The following CCSER1 variants were observed in gnomAD, a reference collection of about 807,000 sequenced individuals.
CCSER1 encodes serine-rich coiled-coil domain-containing protein 1.
CCSER1 carries 41 observed loss-of-function variants against 82.0 expected under a neutral mutation model. The observed-to-expected ratio is 0.50, with a 90% CI of 0.39 to 0.65. CCSER1 has a LOEUF of 0.65. Among genes scored for constraint, CCSER1 ranks in the 30% least tolerant of loss-of-function variants. The probability of loss-of-function intolerance (pLI) is 0.00; values close to 1 mark genes in which losing one functional copy is unlikely to be tolerated. For synonymous variants in CCSER1, 414 were observed against 383.9 expected (o/e 1.08, Z -0.92); for missense variants, 1,119 against 1,064.2 (o/e 1.05, Z -0.72).
Position 91,374,342 on chromosome 4 carries a change from G to A in CCSER1, c.2218-224230G>A, listed in dbSNP as rs556712839. On this transcript the variant is annotated intron_variant, in intron 10 of 10. Coordinates refer to ENST00000509176, the MANE Select transcript of CCSER1 (RefSeq NM_001145065.2). ...GGAATGACTCCTGTTAGAGGCTAAC[G>A]CAGCTGGTAACTATACATTGAAGCA... is the stretch of plus-strand genomic sequence containing the variant. Among the ~76,000 whole-genome samples the A allele has an allele frequency of 2.9e-3, 442 of 152,278 alleles. 1 individual carries two copies. Among genetic ancestry groups the A allele is most frequent in the Middle Eastern group, 0.01 (3 of 294 alleles).
At chr4:90,993,389 G>A (rs1480026075) in intron 9 of CCSER1, among the ~76,000 whole-genome samples, 1 of 151,746 alleles carries the variant, frequency 6.6e-6, no homozygotes, top group Non-Finnish European at 1.5e-5. Context: ...TTAATTTGCA[G>A]CTATAATGGA....
chr4:91,117,499 T>G (rs572079075), intron 10 of CCSER1, among the ~76,000 whole-genome samples: 1 of 152,236 alleles, frequency 6.6e-6, no homozygotes. Context: ...ATGTAAATGC[T>G]TATTAAGTGG....
rs2150441641 is a variant in CCSER1 at position 90,988,928 on chromosome 4, A to G, written c.2172+65481A>G. On this transcript the variant is annotated intron_variant, in intron 9 of 10. Transcript: ENST00000509176. ...TACTTTCCCTTTTTGAAAGTAAACT[A>G]ATCAACAGACTTGGCTAGACACAGC... Among the ~76,000 whole-genome samples, 2 of 151,906 alleles carry G rather than the reference A, an allele frequency of 1.3e-5. 1 individual carries two copies. Among genetic ancestry groups the G allele is most frequent in the South Asian group, 4.1e-4 (2 of 4,826 alleles).
Position 91,427,280 on chromosome 4 carries a change from G to A in CCSER1, c.2218-171292G>A, listed in dbSNP as rs72880869. Among the ~76,000 whole-genome samples, 1,137 of 152,116 alleles carry A rather than the reference G, an allele frequency of 7.5e-3. 17 individuals carry two copies. Among genetic ancestry groups the A allele is most frequent in the African/African-American group, 0.026 (1,075 of 41,504 alleles). On this transcript the variant is annotated intron_variant, in intron 10 of 10. Coordinates refer to ENST00000509176, the MANE Select transcript of CCSER1 (RefSeq NM_001145065.2). ...TACAAAGTAAATAAAATTTCCCCAC[G>A]GCCCATCCTGCTGTCTTATCCTGGA...
At chr4:90,923,485 T>A in intron 9 of CCSER1, 38 bp downstream of exon 9, 1 of 1,398,688 alleles carries the variant, frequency 7.1e-7, no homozygotes, top group Non-Finnish European at 9.9e-7. Flanking sequence ...ACTTCATTAT[T>A]GGCATTCAGA....
chr4:90,909,425 C>T (rs577790072), intron 8 of CCSER1, among the ~76,000 whole-genome samples: 1 of 152,232 alleles, frequency 6.6e-6, no homozygotes, highest in African/African-American at 2.4e-5. Context: ...CTATACTTCA[C>T]TCCCCTCTGC....
At chr4:91,572,697 T>C (rs1011475005) in intron 10 of CCSER1, among the ~76,000 whole-genome samples, 2 of 151,534 alleles carry the variant, frequency 1.3e-5, no homozygotes, top group Non-Finnish European at 2.9e-5. Context: ...CATGATGGCT[T>C]ATATCTGTAA....
At chr4:90,876,074 T>C (rs1372665048) in intron 8 of CCSER1, among the ~76,000 whole-genome samples, 2 of 152,230 alleles carry the variant, frequency 1.3e-5, no homozygotes, top group Middle Eastern at 3.4e-3. Context: ...AAAACTTCAT[T>C]AAATCTGCAA....
intron 10 of CCSER1, among the ~76,000 whole-genome samples, chr4:91,459,377 GTGT>G (rs955956031): frequency 1.5e-4 from 23 of 152,092 alleles, no homozygotes; most frequent in African/African-American, 5.1e-4. Flanking sequence ...ATAGGCATGA[GTGT>G]TTCTGGGAGC....
intron 10 of CCSER1, among the ~76,000 whole-genome samples, chr4:91,167,124 G>A (rs181655628): frequency 1.9e-3 from 276 of 145,054 alleles, no homozygotes; most frequent in Non-Finnish European, 3.0e-3. Flanking sequence ...CTAATATATT[G>A]TTTATTGTTT....
Position 91,600,510 on chromosome 4 carries a change from A to G in CCSER1, c.*1453A>G, listed in dbSNP as rs1307916200. 1 of 152,266 alleles carries G rather than the reference A, an allele frequency of 6.6e-6. No individual in the cohort carries two copies. 9.4% of individuals were successfully genotyped at this position (152,266 alleles called of 1,614,324 possible). On this transcript the variant is annotated 3_prime_UTR_variant, in exon 11 of 11. Coordinates refer to ENST00000509176, the MANE Select transcript of CCSER1 (RefSeq NM_001145065.2). Reference sequence around the variant, plus strand: ...CTAACAGAATCTGTCAGCGTGCACAAGCAAGATGAACAAAGGGAAATTGAG... The same window carrying G: ...CTAACAGAATCTGTCAGCGTGCACAGGCAAGATGAACAAAGGGAAATTGAG...
intron 4 of CCSER1, among the ~76,000 whole-genome samples, chr4:90,417,474 A>T (rs556979924): frequency 1.3e-4 from 19 of 151,928 alleles, no homozygotes; most frequent in Non-Finnish European, 2.5e-4. Context: ...TTTAAATTAA[A>T]TTAAAAATAT....
At chr4:90,354,023 G>A (rs1221920992) in intron 3 of CCSER1, among the ~76,000 whole-genome samples, 1 of 152,114 alleles carries the variant, frequency 6.6e-6, no homozygotes, top group Non-Finnish European at 1.5e-5. Context: ...CTTCACAATA[G>A]CTAATATATG....
chr4:91,561,210 A>G (rs1462013005), intron 10 of CCSER1, among the ~76,000 whole-genome samples: 1 of 151,354 alleles, frequency 6.6e-6, no homozygotes, highest in Non-Finnish European at 1.5e-5. Context: ...CTGTACTGTA[A>G]TATATCTAAA....
chr4:90,566,332 T>C lies in CCSER1; in HGVS notation c.1725-61693T>C, dbSNP rs146764538. 1.5e-3 allele frequency among the ~76,000 whole-genome samples: 222 copies of C among 152,208 alleles called. 2 individuals carry two copies. The highest frequency in any genetic ancestry group is 1.9e-3 in the Non-Finnish European group (129 of 68,006). ...TTATAGGTTTGGAAATATTCTTTCC[T>C]CTTCTGTTTTTTGGATGAGTTTAAG... On this transcript the variant is annotated intron_variant, in intron 5 of 10. Coordinates refer to ENST00000509176, the MANE Select transcript of CCSER1 (RefSeq NM_001145065.2).
intron 10 of CCSER1, among the ~76,000 whole-genome samples, chr4:91,591,255 T>TTCAATATTTTATTCAGTGAGTAA (rs1469557156): frequency 1.3e-5 from 2 of 152,120 alleles, no homozygotes; most frequent in Non-Finnish European, 2.9e-5. Context: ...ATTTATAAAT[T>TTCAATATTTTATTCAGTGAGTAA]TCAATATTTT....
chr4:91,587,460 A>C (rs946534781), intron 10 of CCSER1, among the ~76,000 whole-genome samples: 1 of 151,792 alleles, frequency 6.6e-6, no homozygotes, highest in Non-Finnish European at 1.5e-5. Flanking sequence ...AGCAAAGATC[A>C]GACATATATA....
intron 10 of CCSER1, among the ~76,000 whole-genome samples, chr4:91,338,122 G>A (rs186883591): frequency 5.4e-4 from 82 of 152,210 alleles, no homozygotes; most frequent in Non-Finnish European, 1.5e-5. Context: ...TAATCCTGAT[G>A]AGCTTTTTAA....
At chr4:91,266,967 G>A (rs559218538) in intron 10 of CCSER1, among the ~76,000 whole-genome samples, 1 of 152,124 alleles carries the variant, frequency 6.6e-6, no homozygotes, top group African/African-American at 2.4e-5. Flanking sequence ...TTGGAAAATT[G>A]CTGCACCTTC....
Sources: allele counts gnomAD v4.1 joint callset (sites outside exome capture counted in the v4.1 genomes callset), GRCh38; gene constraint gnomAD v4.1.1; transcripts MANE v1.5; gene names NCBI Gene and HGNC (gene_info 2026-07-23, HGNC 2026-07-21).